Variants in RASA1 observed in about 807,000 individuals in gnomAD.
RASA1 encodes the protein ras GTPase-activating protein 1.
Under a neutral mutation model 132.2 loss-of-function variants are expected in RASA1, and 25 were observed. The observed-to-expected ratio is 0.19, with a 90% confidence interval of 0.14 to 0.26. The LOEUF is 0.26. Among genes scored for constraint, RASA1 ranks in the 10% least tolerant of loss-of-function variants. The pLI is 1.00. For missense variants in RASA1, 964 were observed against 1,299.2 expected, an observed-to-expected ratio of 0.74 and a Z score of 3.97; for synonymous variants, 477 against 449.9, an observed-to-expected ratio of 1.06 and a Z score of -0.76.
chr5:87,301,952 C>T (rs1229278086), intron 1 of RASA1, among the ~76,000 whole-genome samples: 1 of 152,122 alleles, frequency 6.6e-6, no homozygotes, highest in African/African-American at 2.4e-5. Context: ...TAGTGATGGA[C>T]ATGACATTTA....
Position 87,374,890 on chromosome 5 carries a change from C to A in RASA1, c.1985C>A (p.Thr662Lys). The A allele has an allele frequency of 6.2e-7, 1 of 1,606,534 alleles. No individual in the cohort carries two copies. The highest frequency in any genetic ancestry group is 8.5e-7 in the Non-Finnish European group (1 of 1,176,908). ...NRFEITLSNKTKKSKDPDILF... is the reference protein window; with the variant it reads ...NRFEITLSNKKKKSKDPDILF... ...TTTGAAATAACTCTTAGTAATAAAA[C>A]AAAGAAAAGCAAAGATCCTGATATC... Residue 662 changes from threonine to lysine, a missense_variant, in exon 15 of 25, where the codon ACA becomes AAA. Thr to Lys is a moderately conservative substitution (Grantham distance 78, BLOSUM62 -1). Around this residue, in one of 6 missense-constraint regions of RASA1, gnomAD observed 346 missense variants for 520.1 expected, o/e 0.67. Coordinates refer to ENST00000274376, the MANE Select transcript of RASA1 (RefSeq NM_002890.3).
intron 21 of RASA1, among the ~76,000 whole-genome samples, chr5:87,384,167 A>G (rs1269053397): frequency 1.3e-5 from 2 of 152,170 alleles, no homozygotes; most frequent in African/African-American, 2.4e-5. Flanking sequence ...ATTAAATGAT[A>G]TGTACAGTTG....
chr5:87,366,685 GAA>G (rs1394314305), intron 11 of RASA1, among the ~76,000 whole-genome samples: 4 of 152,184 alleles, frequency 2.6e-5, no homozygotes, highest in Non-Finnish European at 5.9e-5. Context: ...AACCTAGTAT[GAA>G]AAAGTTATGT....
rs74904606 is a variant in RASA1 at position 87,300,969 on chromosome 5, G to A, written c.540-30379G>A. On this transcript the variant is annotated intron_variant, in intron 1 of 24. Coordinates refer to ENST00000274376, the MANE Select transcript of RASA1 (RefSeq NM_002890.3). Reference sequence around the variant, plus strand: ...GATGAGGCAGGGTTAGGTCCTGGCTGTGAGTCACCCATTGACTCAGCTGTT... The same window carrying A: ...GATGAGGCAGGGTTAGGTCCTGGCTATGAGTCACCCATTGACTCAGCTGTT... Among the ~76,000 whole-genome samples the A allele has an allele frequency of 7.6e-3, 1,156 of 152,328 alleles. 17 individuals are homozygous for A. The highest frequency in any genetic ancestry group is 0.027 in the African/African-American group (1,120 of 41,576).
chr5:87,278,578 A>G (rs1754171305), intron 1 of RASA1, among the ~76,000 whole-genome samples: 1 of 151,960 alleles, frequency 6.6e-6, no homozygotes, highest in African/African-American at 2.4e-5. Context: ...AATAAGTTAG[A>G]GATGTACTTG....
In RASA1 at chr5:87,308,318, G is replaced by T. The variant is rs551601053; in HGVS notation, c.540-23030G>T. Among the ~76,000 whole-genome samples, 4 of 152,072 alleles carry T rather than the reference G, an allele frequency of 2.6e-5. No individual in the cohort carries two copies. The East Asian group carries it at 7.7e-4, about 29-fold the overall frequency. On this transcript the variant is annotated intron_variant, in intron 1 of 24. Coordinates refer to ENST00000274376, the MANE Select transcript of RASA1 (RefSeq NM_002890.3). ...AAAAGTGGCAGAGTGGCTGCTGAAT[G>T]GCACCTTCTTTAGGATTCTATTTGT...
intron 19 of RASA1, 120 bp downstream of exon 19, chr5:87,379,970 G>A (rs181100572): frequency 9.4e-7 from 1 of 1,058,808 alleles, no homozygotes; most frequent in Admixed American, 2.4e-5. Context: ...AAAAAGTCAT[G>A]GTTAATCTTT....
At chr5:87,350,587 G>A (rs1194414434) in intron 8 of RASA1, among the ~76,000 whole-genome samples, 1 of 151,306 alleles carries the variant, frequency 6.6e-6, no homozygotes, top group Admixed American at 6.6e-5. Context: ...CCTACATACT[G>A]GAGGAAGTCG....
intron 1 of RASA1, among the ~76,000 whole-genome samples, chr5:87,284,187 A>G (rs187758193): frequency 2.0e-5 from 3 of 152,324 alleles, no homozygotes; most frequent in East Asian, 3.9e-4. Context: ...TTAAGGCTGC[A>G]GTTTCTAAGA....
intron 9 of RASA1, among the ~76,000 whole-genome samples, chr5:87,355,984 A>G (rs1379265999): frequency 6.6e-6 from 1 of 152,210 alleles, no homozygotes; most frequent in Admixed American, 6.5e-5. Context: ...ATGAAACTGG[A>G]GCGAAAGAGG....
chr5:87,389,762 G>C (rs571589648), intron 24 of RASA1, among the ~76,000 whole-genome samples: 10 of 152,180 alleles, frequency 6.6e-5, no homozygotes, highest in Non-Finnish European at 1.5e-4. Context: ...TAATTCTACT[G>C]GAAAACAGTG....
intron 4 of RASA1, among the ~76,000 whole-genome samples, chr5:87,336,640 T>C (rs1757993568): frequency 6.6e-6 from 1 of 152,138 alleles, no homozygotes; most frequent in Admixed American, 6.5e-5. Flanking sequence ...AAAGTTGGTA[T>C]AGCAACAACA....
chr5:87,282,396 T>C (rs1462376706), intron 1 of RASA1, among the ~76,000 whole-genome samples: 1 of 152,252 alleles, frequency 6.6e-6, no homozygotes, highest in Admixed American at 6.5e-5. Context: ...GCCACTTTTC[T>C]TCTGTCCTTT....
chr5:87,332,714 A>C, intron 3 of RASA1, 72 bp downstream of exon 3: 2 of 1,400,712 alleles, frequency 1.4e-6, no homozygotes, highest in Non-Finnish European at 2.0e-6. Flanking sequence ...GCTATTGCTC[A>C]GTTTCTTATG....
Position 87,376,531 on chromosome 5 carries a change from T to C in RASA1, c.2150T>C (p.Ile717Thr). ...CGAGCACGATACTCTATGGAAAAAATCATGCCAGAAGAAGAGTACAGTGAA... is the reference window on the plus strand; with the variant it reads ...CGAGCACGATACTCTATGGAAAAAACCATGCCAGAAGAAGAGTACAGTGAA... Reference protein sequence around the residue: ...RVRARYSMEKIMPEEEYSEFK... With the variant: ...RVRARYSMEKTMPEEEYSEFK... Residue 717 changes from isoleucine to threonine, a missense_variant, in exon 16 of 25, where the codon ATC becomes ACC. Ile to Thr is a moderately conservative substitution (Grantham distance 89). Around this residue, in one of 6 missense-constraint regions of RASA1, gnomAD observed 346 missense variants for 520.1 expected, o/e 0.67. Transcript: ENST00000274376. 6.2e-7 allele frequency: 1 copy of C among 1,613,986 alleles called. No individual in the cohort carries two copies.
chr5:87,379,661 CTACT>C, intron 18 of RASA1, 70 bp from the exon 19 acceptor site: 1 of 1,563,874 alleles, frequency 6.4e-7, no homozygotes, highest in Non-Finnish European at 8.7e-7. Context: ...AAAACTATAA[CTACT>C]TGTTTTCCTC....
rs374411800 is a variant in RASA1, at chr5:87,367,537, A to G, written c.1611-2276A>G. Among the ~76,000 whole-genome samples, 18 of 152,154 alleles carry G rather than the reference A, an allele frequency of 1.2e-4. No individual in the cohort carries two copies. In the South Asian group the frequency reaches 1.5e-3, roughly 12 times the overall value. Reference sequence around the variant, plus strand: ...ATGGCTTTAGTTGCACAGCTGTGCAATTTTTCCAGATTATTTTCAATATTA... The same window carrying G: ...ATGGCTTTAGTTGCACAGCTGTGCAGTTTTTCCAGATTATTTTCAATATTA... On this transcript the variant is annotated intron_variant, in intron 11 of 24. Transcript: ENST00000274376.
At chr5:87,305,683 A>G (rs920228577) in intron 1 of RASA1, among the ~76,000 whole-genome samples, 1 of 152,218 alleles carries the variant, frequency 6.6e-6, no homozygotes, top group African/African-American at 2.4e-5. Context: ...GTAACTATCA[A>G]CAGAGTAAAC....
intron 1 of RASA1, chr5:87,299,584 G>A (rs560346521): frequency 6.6e-6 from 1 of 152,104 alleles, no homozygotes; most frequent in Non-Finnish European, 1.5e-5. Context: ...ATGCATATAT[G>A]TAGTGAAGTA....
Sources: gnomAD v4.1 joint callset for allele counts (sites outside exome capture counted in the v4.1 genomes callset) on GRCh38, gnomAD v4.1.1 for gene constraint, gnomAD v4.1.1 regional missense constraint, MANE v1.5 for transcripts, NCBI Gene and HGNC (gene_info 2026-07-23, HGNC 2026-07-21) for gene names.